The following AFG2A variants were observed in gnomAD, a reference collection of about 807,000 sequenced individuals.
The protein encoded by AFG2A is AAA ATPase AFG2A, also known as ATPase family gene 2 protein homolog A.
the AFG2A span, chr4:123,315,354 A>AT: frequency 0.022 from 2,366 of 107,844 alleles, 112 homozygotes; most frequent in African/African-American, 0.056. Context: ...TGCCTGGCTA[A>AT]TTTTTTTTTT....
chr4:123,314,150 T>C, the AFG2A span: 1 of 1,169,408 alleles, frequency 8.6e-7, no homozygotes. Context: ...TTAAAAAAAA[T>C]TTTACTAGGC....
At chr4:123,140,346 G>A in the AFG2A span, among the ~76,000 whole-genome samples, 1 of 151,960 alleles carries the variant, frequency 6.6e-6, no homozygotes, top group Non-Finnish European at 1.5e-5. Flanking sequence ...TAAAATTCTG[G>A]TTTTCTTCTT....
chr4:123,198,432 G>C, the AFG2A span, among the ~76,000 whole-genome samples: 45 of 152,242 alleles, frequency 3.0e-4, no homozygotes, highest in African/African-American at 1.1e-3. Flanking sequence ...TTACTAAAGT[G>C]TTTTTGTCTC....
At chr4:122,923,176 C>A in the AFG2A span, 6 of 1,614,092 alleles carry the variant, frequency 3.7e-6, no homozygotes, top group Non-Finnish European at 5.1e-6. Context: ...GCGGTTGAAC[C>A]AAAGCGCGGA....
At chr4:123,057,371 G>A in the AFG2A span, 2 of 1,410,902 alleles carry the variant, frequency 1.4e-6, no homozygotes, top group Non-Finnish European at 2.0e-6. Context: ...ATAGCATTTT[G>A]TATACAACTT....
chr4:122,926,357 T>C, the AFG2A span, among the ~76,000 whole-genome samples: 1 of 152,240 alleles, frequency 6.6e-6, no homozygotes, highest in East Asian at 1.9e-4. Context: ...TGCTTTACTG[T>C]TAATGACCAG....
the AFG2A span, among the ~76,000 whole-genome samples, chr4:123,290,487 A>C: frequency 6.6e-6 from 1 of 152,116 alleles, no homozygotes; most frequent in African/African-American, 2.4e-5. Context: ...GTCATAAAAG[A>C]TTGTTGGCTA....
the AFG2A span, among the ~76,000 whole-genome samples, chr4:123,208,846 T>C: frequency 4.6e-5 from 7 of 152,320 alleles, no homozygotes; most frequent in African/African-American, 1.7e-4. Context: ...CAGCTCTGTT[T>C]TCCTGGCATG....
At chr4:123,176,274 C>T in the AFG2A span, among the ~76,000 whole-genome samples, 2 of 152,088 alleles carry the variant, frequency 1.3e-5, no homozygotes, top group East Asian at 1.9e-4. Context: ...AGAGTGGCCT[C>T]GTCTAATGTT....
chr4:123,282,181 A>G, the AFG2A span, among the ~76,000 whole-genome samples: 4 of 152,122 alleles, frequency 2.6e-5, no homozygotes, highest in African/African-American at 9.7e-5. Flanking sequence ...ACCTCAAACT[A>G]CCCTAAAAAT....
chr4:123,174,577 G>A, the AFG2A span, among the ~76,000 whole-genome samples: 9 of 152,130 alleles, frequency 5.9e-5, no homozygotes, highest in East Asian at 1.4e-3. Flanking sequence ...AACTGGCATA[G>A]AAACAGATGA....
the AFG2A span, among the ~76,000 whole-genome samples, chr4:123,023,165 C>T: frequency 6.7e-6 from 1 of 150,076 alleles, no homozygotes; most frequent in Non-Finnish European, 1.5e-5. Context: ...TGCACATGTA[C>T]CCTAAAACTT....
At chr4:123,229,953 T>TA in the AFG2A span, among the ~76,000 whole-genome samples, 1 of 151,896 alleles carries the variant, frequency 6.6e-6, no homozygotes, top group Non-Finnish European at 1.5e-5. Context: ...GAATTATGTC[T>TA]AAAAAAACAA....
the AFG2A span, among the ~76,000 whole-genome samples, chr4:123,075,183 A>G: frequency 5.3e-5 from 8 of 151,602 alleles, no homozygotes; most frequent in African/African-American, 9.7e-5. Flanking sequence ...TGACTTTGTG[A>G]TCCGCCCACC....
chr4:123,209,742 G>C, the AFG2A span, among the ~76,000 whole-genome samples: 3 of 152,070 alleles, frequency 2.0e-5, no homozygotes, highest in African/African-American at 7.2e-5. Context: ...ATGTGCCCCT[G>C]CACCTGGCTA....
chr4:123,080,165 A>T, the AFG2A span, among the ~76,000 whole-genome samples: 1 of 152,214 alleles, frequency 6.6e-6, no homozygotes, highest in African/African-American at 2.4e-5. Flanking sequence ...GTATTTAGCG[A>T]TGAAGCCTTT....
chr4:123,047,395 G>A, the AFG2A span, among the ~76,000 whole-genome samples: 4 of 29,592 alleles, frequency 1.4e-4, no homozygotes, highest in East Asian at 3.5e-3. Flanking sequence ...TTTCTTTTGC[G>A]CATTTTTTTA....
At chr4:123,183,572 A>G in the AFG2A span, among the ~76,000 whole-genome samples, 7 of 152,320 alleles carry the variant, frequency 4.6e-5, no homozygotes, top group African/African-American at 1.7e-4. Context: ...TTTTCTTACA[A>G]GACTTGACAC....
At chr4:123,204,229 A>G in the AFG2A span, among the ~76,000 whole-genome samples, 2 of 152,194 alleles carry the variant, frequency 1.3e-5, no homozygotes, top group Non-Finnish European at 2.9e-5. Context: ...TTAGAATATG[A>G]ACATCTAGGG....
Sources: allele counts gnomAD v4.1 joint callset (sites outside exome capture counted in the v4.1 genomes callset), GRCh38; gene constraint gnomAD v4.1.1; transcripts MANE v1.5; gene names NCBI Gene and HGNC (gene_info 2026-07-23, HGNC 2026-07-21).